The following AP3B1 variants were observed in gnomAD, a reference collection of about 807,000 sequenced individuals.
The protein encoded by AP3B1 is AP-3 complex subunit beta-1.
A neutral mutation model predicts 132.5 loss-of-function variants in AP3B1; 61 were observed. The observed-to-expected ratio is 0.46, with a 90% CI of 0.37 to 0.57. AP3B1 has a LOEUF of 0.57. AP3B1 is among the 20% of genes least tolerant of loss of function. AP3B1 has a pLI of 0.00. For synonymous variants in AP3B1, 388 were observed against 438.3 expected, an observed-to-expected ratio of 0.89 and a Z score of 1.43; for missense variants, 1,120 against 1,289.4, an observed-to-expected ratio of 0.87 and a Z score of 2.01.
At chr5:78,001,453 G>T (rs1010642905), downstream of AP3B1, 1 of 152,148 alleles carries the variant, frequency 6.6e-6, no homozygotes, top group African/African-American at 2.4e-5. Flanking sequence ...ATGTACACAT[G>T]GTACGGAATT....
chr5:78,225,196 C>T (rs1426169067), intron 6 of AP3B1, among the ~76,000 whole-genome samples: 2 of 152,012 alleles, frequency 1.3e-5, no homozygotes, highest in Non-Finnish European at 2.9e-5. Context: ...AAAGTGGGTA[C>T]AAAAGCCCCA....
At chr5:78,166,160 C>T (rs954738140) in intron 11 of AP3B1, among the ~76,000 whole-genome samples, 1 of 98,614 alleles carries the variant, frequency 1.0e-5, no homozygotes, top group Non-Finnish European at 2.4e-5. Flanking sequence ...CACACACACA[C>T]ACACACACAC....
At chr5:78,122,146 AC>A (rs1320680649) in intron 17 of AP3B1, among the ~76,000 whole-genome samples, 1 of 152,072 alleles carries the variant, frequency 6.6e-6, no homozygotes, top group African/African-American at 2.4e-5. Context: ...AAATTCAACA[AC>A]CCTTCATGCT....
intron 6 of AP3B1, among the ~76,000 whole-genome samples, chr5:78,219,160 C>T (rs1746079668): frequency 6.6e-6 from 1 of 151,980 alleles, no homozygotes; most frequent in Non-Finnish European, 1.5e-5. Context: ...AAAATATATA[C>T]ATAAATCAGT....
At chr5:78,110,663 C>T (rs72776426) in intron 19 of AP3B1, among the ~76,000 whole-genome samples, 22 of 150,880 alleles carry the variant, frequency 1.5e-4, no homozygotes, top group Admixed American at 4.0e-4. Context: ...TTTTTTAAAA[C>T]GCTATCTCAA....
chr5:78,002,679 G>A lies in AP3B1; in HGVS notation c.*223C>T. On this transcript the variant is annotated 3_prime_UTR_variant, in exon 27 of 27. Transcript: ENST00000255194. ...CATGGATTCAAGAGTTGAGACAACT[G>A]ACAGTAAAATATATGCTCTTTGGTT... 1 of 618,422 alleles carries A rather than the reference G, an allele frequency of 1.6e-6. No homozygotes were observed. The highest frequency in any genetic ancestry group is 2.9e-6 in the Non-Finnish European group (1 of 350,058). The allele number at this position is 618,422 out of a possible 1,614,324, so 38.3% of individuals were successfully genotyped here. A position where few individuals can be genotyped will look rare whatever the true frequency, so the allele number is the denominator to read the frequency against.
intron 7 of AP3B1, among the ~76,000 whole-genome samples, chr5:78,208,420 C>T (rs997279040): frequency 3.3e-5 from 5 of 152,092 alleles, no homozygotes; most frequent in Non-Finnish European, 7.4e-5. Flanking sequence ...TAGTTTTATC[C>T]TTATGCTTGT....
intron 7 of AP3B1, among the ~76,000 whole-genome samples, chr5:78,210,914 T>C (rs1273598033): frequency 6.6e-6 from 1 of 152,120 alleles, no homozygotes; most frequent in Non-Finnish European, 1.5e-5. Context: ...AAATCTCCCA[T>C]AATAGGCTTG....
chr5:78,258,058 T>C (rs1241830372), intron 2 of AP3B1, among the ~76,000 whole-genome samples: 1 of 152,162 alleles, frequency 6.6e-6, no homozygotes, highest in African/African-American at 2.4e-5. Flanking sequence ...ATGAAACTAC[T>C]ACAACAAAAC....
chr5:78,072,972 G>A (rs970226085), intron 22 of AP3B1, among the ~76,000 whole-genome samples: 10 of 151,848 alleles, frequency 6.6e-5, no homozygotes, highest in African/African-American at 1.7e-4. Flanking sequence ...TGCCTGCCTC[G>A]GCCTCCCAAA....
At chr5:78,161,869 T>C (rs1054906695) in intron 13 of AP3B1, among the ~76,000 whole-genome samples, 1 of 151,964 alleles carries the variant, frequency 6.6e-6, no homozygotes, top group African/African-American at 2.4e-5. Flanking sequence ...TCTAAAGATA[T>C]CTACATGTGG....
intron 24 of AP3B1, among the ~76,000 whole-genome samples, chr5:78,028,694 T>C (rs905237166): frequency 2.6e-5 from 4 of 152,210 alleles, no homozygotes; most frequent in Non-Finnish European, 4.4e-5. Flanking sequence ...TCCATCTTCA[T>C]AGGTTATCCT....
intron 7 of AP3B1, among the ~76,000 whole-genome samples, chr5:78,193,761 TATA>T (rs1744955573): frequency 5.9e-5 from 7 of 119,554 alleles, no homozygotes; most frequent in Admixed American, 1.0e-4. Context: ...TATATATATA[TATA>T]TATATATTTT....
chr5:78,122,156 C>A (rs1327452577), intron 17 of AP3B1, among the ~76,000 whole-genome samples: 1 of 152,134 alleles, frequency 6.6e-6, no homozygotes, highest in Non-Finnish European at 1.5e-5. Context: ...ACCCTTCATG[C>A]TAAAAACTCT....
intron 6 of AP3B1, among the ~76,000 whole-genome samples, chr5:78,220,009 TG>T: frequency 6.6e-6 from 1 of 152,216 alleles, no homozygotes; most frequent in East Asian, 1.9e-4. Context: ...ATTTTTTAAA[TG>T]AAAGTGATTT....
At chr5:78,072,269 T>C (rs539056027) in intron 22 of AP3B1, among the ~76,000 whole-genome samples, 20 of 152,206 alleles carry the variant, frequency 1.3e-4, no homozygotes, top group African/African-American at 4.8e-4. Flanking sequence ...GGTTTGTATA[T>C]GTAACAGATA....
At chr5:78,263,317 T>C (rs57633730) in intron 2 of AP3B1, among the ~76,000 whole-genome samples, 2,878 of 152,336 alleles carry the variant, frequency 0.019, 98 homozygotes, top group African/African-American at 0.063. Context: ...TCATTGTTAA[T>C]GTGTAGAAAT....
Position 78,134,248 on chromosome 5 carries a change from A to AG in AP3B1, c.1651-4942_1651-4941insC, listed in dbSNP as rs796123646. Among the ~76,000 whole-genome samples, 116 of 152,006 alleles carry AG rather than the reference A, an allele frequency of 7.6e-4. 3 individuals are homozygous for AG. The East Asian group carries it at 0.021, about 28-fold the overall frequency. ...TTATTCAAACAATAGCTTTCTTCTA[A>AG]TAGATTATAAGTCAGTACAAATAAC... On this transcript the variant is annotated intron_variant, in intron 15 of 26. Coordinates refer to ENST00000255194, the MANE Select transcript of AP3B1 (RefSeq NM_003664.5).
intron 21 of AP3B1, among the ~76,000 whole-genome samples, chr5:78,091,505 T>C (rs2112207019): frequency 6.6e-6 from 1 of 152,166 alleles, no homozygotes; most frequent in South Asian, 2.1e-4. Flanking sequence ...AAAACCCCGG[T>C]ACAGTTTAGC....
Sources: gnomAD v4.1 joint callset for allele counts (sites outside exome capture counted in the v4.1 genomes callset) on GRCh38, gnomAD v4.1.1 for gene constraint, MANE v1.5 for transcripts, NCBI Gene and HGNC (gene_info 2026-07-23, HGNC 2026-07-21) for gene names.